The following SPAG16 variants were observed in gnomAD, a reference collection of about 807,000 sequenced individuals.
SPAG16 encodes sperm associated antigen 16.
Under a neutral mutation model 80.4 loss-of-function variants are expected in SPAG16, and 86 were observed. That is an observed-to-expected ratio of 1.07 (90% CI 0.90 to 1.28). The LOEUF (loss-of-function observed/expected upper bound fraction) is 1.28. Ranked by LOEUF, SPAG16 falls within the 50% of genes most tolerant of loss-of-function variation. The pLI, the probability that SPAG16 is intolerant of heterozygous loss-of-function variation, is 0.00. For missense variants in SPAG16, 870 were observed against 765.3 expected (o/e 1.14, Z -1.61); for synonymous variants, 294 against 265.9 (o/e 1.11, Z -1.03).
chr2:213,699,606 C>T (rs1049203275), intron 10 of SPAG16, among the ~76,000 whole-genome samples: 6 of 152,148 alleles, frequency 3.9e-5, no homozygotes, highest in South Asian at 2.1e-4. Context: ...CTAGAACCTA[C>T]GGATTTATGT....
chr2:214,131,871 G>A (rs573540245), intron 14 of SPAG16, among the ~76,000 whole-genome samples: 16 of 152,196 alleles, frequency 1.1e-4, no homozygotes, highest in Non-Finnish European at 1.8e-4. Context: ...TATAATGATG[G>A]TTACACTTGT....
At chr2:214,101,225 T>G (rs1233298819) in intron 13 of SPAG16, among the ~76,000 whole-genome samples, 2 of 152,116 alleles carry the variant, frequency 1.3e-5, no homozygotes, top group African/African-American at 2.4e-5. Flanking sequence ...AGCTTAATCT[T>G]TATACATAGG....
chr2:214,325,708 C>T (rs966332665), intron 15 of SPAG16, among the ~76,000 whole-genome samples: 1 of 120,358 alleles, frequency 8.3e-6, no homozygotes, highest in African/African-American at 3.2e-5. Flanking sequence ...CCAGACTATT[C>T]CTTATTATTG....
intron 10 of SPAG16, among the ~76,000 whole-genome samples, chr2:213,608,826 A>G (rs560130569): frequency 1.3e-5 from 2 of 152,092 alleles, no homozygotes; most frequent in Non-Finnish European, 2.9e-5. Context: ...GCTGGGGACT[A>G]CAGGCTCCCA....
At chr2:213,587,262 G>C (rs1410181533) in intron 10 of SPAG16, among the ~76,000 whole-genome samples, 1 of 152,124 alleles carries the variant, frequency 6.6e-6, no homozygotes, top group Admixed American at 6.6e-5. Context: ...AACTTTGCTG[G>C]GTACAGTGCA....
At chr2:213,452,697 C>G (rs1256084061) in intron 9 of SPAG16, among the ~76,000 whole-genome samples, 1 of 152,122 alleles carries the variant, frequency 6.6e-6, no homozygotes, top group Non-Finnish European at 1.5e-5. Context: ...ATGTTCTGGC[C>G]CCTGCCATTG....
chr2:213,384,129 T>A (rs1395939817), intron 9 of SPAG16, among the ~76,000 whole-genome samples: 1 of 152,184 alleles, frequency 6.6e-6, no homozygotes, highest in African/African-American at 2.4e-5. Flanking sequence ...ACTAGGGAAT[T>A]ATATGGAAAT....
At chr2:214,185,461 C>T (rs10490499) in intron 15 of SPAG16, among the ~76,000 whole-genome samples, 45,568 of 151,816 alleles carry the variant, frequency 0.3, 8,541 homozygotes, top group Non-Finnish European at 0.42. Flanking sequence ...ATATACCTGT[C>T]TTAAATGTCC....
chr2:213,887,230 C>G (rs760337912), intron 11 of SPAG16, among the ~76,000 whole-genome samples: 1 of 152,000 alleles, frequency 6.6e-6, no homozygotes, highest in African/African-American at 2.4e-5. Context: ...TCCAGTTTTT[C>G]CATTCATGTT....
intron 10 of SPAG16, among the ~76,000 whole-genome samples, chr2:213,710,934 C>A (rs996867118): frequency 6.6e-6 from 1 of 152,014 alleles, no homozygotes; most frequent in Non-Finnish European, 1.5e-5. Flanking sequence ...AAGTAAACAG[C>A]ATCTTTTTAG....
chr2:214,198,806 T>C (rs771240766), intron 15 of SPAG16, among the ~76,000 whole-genome samples: 4 of 152,030 alleles, frequency 2.6e-5, no homozygotes, highest in Non-Finnish European at 5.9e-5. Context: ...CTTGCAGGAG[T>C]AATGTGGTGC....
At position 213,407,883 on chromosome 2, in the gene SPAG16, CAG is replaced by C. The variant is rs553543094; in HGVS notation, c.942+32776_942+32777del. 6.4e-4 allele frequency among the ~76,000 whole-genome samples: 30 copies of C among 47,170 alleles called. 1 individual carries two copies. The highest frequency in any genetic ancestry group is 1.4e-3 in the African/African-American group (25 of 17,528). The allele number at this position is 47,170 out of a possible 152,430, so 30.9% of individuals were successfully genotyped here. On this transcript the variant is annotated intron_variant, in intron 9 of 15. Coordinates refer to ENST00000331683, the MANE Select transcript of SPAG16 (RefSeq NM_024532.5). ...AGAGAGACAGGAGAGAGGAGAGAGGCAGAGAGAGAGAGACAGGAGAGAGGCAG... is the reference window on the plus strand; with the variant it reads ...AGAGAGACAGGAGAGAGGAGAGAGGCAGAGAGAGAGACAGGAGAGAGGCAG...
intron 6 of SPAG16, among the ~76,000 whole-genome samples, chr2:213,348,170 T>C (rs2065105835): frequency 6.6e-6 from 1 of 152,194 alleles, no homozygotes; most frequent in African/African-American, 2.4e-5. Context: ...TCTTTGTTGG[T>C]TTAAAGTCTG....
intron 15 of SPAG16, among the ~76,000 whole-genome samples, chr2:214,354,094 T>C (rs1698602809): frequency 7.0e-6 from 1 of 142,072 alleles, no homozygotes; most frequent in Admixed American, 7.4e-5. Context: ...AATATATATA[T>C]GTACCCCATA....
intron 10 of SPAG16, among the ~76,000 whole-genome samples, chr2:213,495,495 A>G (rs1310415769): frequency 2.6e-5 from 4 of 152,240 alleles, no homozygotes; most frequent in Non-Finnish European, 5.9e-5. Flanking sequence ...TCATTCACAC[A>G]AAAAAATGTT....
intron 11 of SPAG16, among the ~76,000 whole-genome samples, chr2:213,886,708 A>T (rs2076569120): frequency 6.6e-6 from 1 of 152,110 alleles, no homozygotes; most frequent in Non-Finnish European, 1.5e-5. Flanking sequence ...ATGTATTAGA[A>T]CTTGAGGGCA....
chr2:214,073,245 T>C (rs13009563), intron 13 of SPAG16, among the ~76,000 whole-genome samples: 25 of 136,368 alleles, frequency 1.8e-4, no homozygotes, highest in South Asian at 9.2e-4. Context: ...TTTTTTTTTT[T>C]CTTTTTTTTT....
At chr2:213,702,117 C>T (rs940206026) in intron 10 of SPAG16, among the ~76,000 whole-genome samples, 1 of 152,192 alleles carries the variant, frequency 6.6e-6, no homozygotes, top group Non-Finnish European at 1.5e-5. Flanking sequence ...CCAATCAGCG[C>T]TCTGTGTCTA....
chr2:213,693,430 T>C (rs1212294966), intron 10 of SPAG16, among the ~76,000 whole-genome samples: 1 of 152,198 alleles, frequency 6.6e-6, no homozygotes, highest in East Asian at 1.9e-4. Flanking sequence ...ACATGTTTGC[T>C]TCGTAGACAG....
Sources: allele counts gnomAD v4.1 joint callset (sites outside exome capture counted in the v4.1 genomes callset), GRCh38; gene constraint gnomAD v4.1.1; transcripts MANE v1.5; gene names NCBI Gene and HGNC (gene_info 2026-07-23, HGNC 2026-07-21).